Variants in WSCD2 observed in about 807,000 individuals in gnomAD.
WSCD2 encodes the protein sialate:O-sulfotransferase 2.
Under a neutral mutation model 55.7 loss-of-function variants are expected in WSCD2, and 28 were observed. That is an observed-to-expected ratio of 0.50 (90% CI 0.37 to 0.69). The LOEUF (loss-of-function observed/expected upper bound fraction) is 0.69. Among genes scored for constraint, WSCD2 ranks in the 30% least tolerant of loss-of-function variants. WSCD2 has a pLI of 0.00. For missense variants in WSCD2, 616 were observed against 762.1 expected (o/e 0.81, Z 2.26); for synonymous variants, 301 against 301.9 (o/e 1.00, Z 0.03).
intron 1 of WSCD2, among the ~76,000 whole-genome samples, chr12:108,145,570 C>A (rs1295590051): frequency 2.0e-5 from 3 of 152,186 alleles, no homozygotes; most frequent in African/African-American, 7.2e-5. Flanking sequence ...AACTGCTTTG[C>A]AAAACTGTTC....
intron 4 of WSCD2, among the ~76,000 whole-genome samples, chr12:108,217,578 C>T (rs1886990643): frequency 6.6e-6 from 1 of 152,226 alleles, no homozygotes; most frequent in South Asian, 2.1e-4. Flanking sequence ...CCCTTCCCTT[C>T]CTGGCTTGGA....
intron 6 of WSCD2, among the ~76,000 whole-genome samples, chr12:108,227,907 A>G (rs561359256): frequency 1.3e-5 from 2 of 152,266 alleles, no homozygotes; most frequent in South Asian, 4.2e-4. Context: ...GATGAGAAGG[A>G]GGAAGAGGAG....
At chr12:108,209,419 G>T (rs1885833224) in intron 3 of WSCD2, among the ~76,000 whole-genome samples, 1 of 152,056 alleles carries the variant, frequency 6.6e-6, no homozygotes, top group African/African-American at 2.4e-5. Flanking sequence ...AATGTCTCAG[G>T]TTTCCAGACA....
chr12:108,176,359 TTG>T (rs988138799), intron 1 of WSCD2, among the ~76,000 whole-genome samples: 1 of 152,196 alleles, frequency 6.6e-6, no homozygotes, highest in African/African-American at 2.4e-5. Flanking sequence ...ACTATCTGTT[TTG>T]TGTTGTCTTT....
In WSCD2 at chr12:108,249,342, T is replaced by C. The variant is rs1303512933; in HGVS notation, c.*999T>C. 1.3e-5 allele frequency: 2 copies of C among 152,564 alleles called. No homozygotes were observed. Among genetic ancestry groups the C allele is most frequent in the Non-Finnish European group, 2.9e-5 (2 of 68,058 alleles). The allele number at this position is 152,564 out of a possible 1,614,324, so 9.5% of individuals were successfully genotyped here. A position where few individuals can be genotyped will look rare whatever the true frequency, so the allele number is the denominator to read the frequency against. On this transcript the variant is annotated 3_prime_UTR_variant, in exon 9 of 9. Coordinates refer to ENST00000547525, the MANE Select transcript of WSCD2 (RefSeq NM_014653.4). ...ACCCCCACTACCTTCCCAGACCATA[T>C]ATCTCCCCTTGATCATAGTCCAACA...
intron 4 of WSCD2, among the ~76,000 whole-genome samples, chr12:108,213,752 C>A (rs958204411): frequency 6.6e-6 from 1 of 152,186 alleles, no homozygotes; most frequent in South Asian, 2.1e-4. Context: ...GGCTACTGTG[C>A]CTCTTAGGGA....
intron 1 of WSCD2, among the ~76,000 whole-genome samples, chr12:108,153,478 G>C (rs953910604): frequency 2.6e-5 from 4 of 152,202 alleles, no homozygotes; most frequent in Admixed American, 2.0e-4. Context: ...ATTTTCTGCA[G>C]TATCAGTGGG....
At chr12:108,202,407 A>ATT (rs1417771536) in intron 2 of WSCD2, among the ~76,000 whole-genome samples, 1 of 152,196 alleles carries the variant, frequency 6.6e-6, no homozygotes, top group African/African-American at 2.4e-5. Flanking sequence ...ACAGAGGGTC[A>ATT]TTCGTTCATT....
chr12:108,238,630 T>G (rs1025979058), intron 7 of WSCD2, among the ~76,000 whole-genome samples: 1 of 152,228 alleles, frequency 6.6e-6, no homozygotes, highest in African/African-American at 2.4e-5. Context: ...AATGGCCTTG[T>G]GAGGGAGAAA....
At chr12:108,160,043 C>G (rs1415305793) in intron 1 of WSCD2, among the ~76,000 whole-genome samples, 1 of 152,196 alleles carries the variant, frequency 6.6e-6, no homozygotes, top group African/African-American at 2.4e-5. Flanking sequence ...ACATTCGTTA[C>G]AGCTTCATAG....
chr12:108,187,384 T>G (rs1247388394), intron 1 of WSCD2, among the ~76,000 whole-genome samples: 2 of 152,214 alleles, frequency 1.3e-5, no homozygotes, highest in Non-Finnish European at 2.9e-5. Flanking sequence ...GTAAATGTTT[T>G]GTTTAGTTGG....
At chr12:108,222,840 A>C (rs1887683367) in intron 4 of WSCD2, among the ~76,000 whole-genome samples, 1 of 152,264 alleles carries the variant, frequency 6.6e-6, no homozygotes, top group South Asian at 2.1e-4. Flanking sequence ...AATAAAAATT[A>C]CCTATATTCC....
rs373377753 is a variant in WSCD2, at chr12:108,143,551, GAT to G, written c.-552+13628_-552+13629del. Among the ~76,000 whole-genome samples, 766 of 152,348 alleles carry G rather than the reference GAT, an allele frequency of 5.0e-3. 6 individuals carry two copies. Among genetic ancestry groups the G allele is most frequent in the African/African-American group, 0.017 (720 of 41,568 alleles). On this transcript the variant is annotated intron_variant, in intron 1 of 8. Transcript: ENST00000547525. ...CATCTCAGAGCCTTGCTGTGAGGAT[GAT>G]ATGAGATCAGGCATGCAAGGTACTT...
At chr12:108,168,155 G>A (rs1565929881) in intron 1 of WSCD2, among the ~76,000 whole-genome samples, 3 of 152,138 alleles carry the variant, frequency 2.0e-5, no homozygotes, top group South Asian at 2.1e-4. Flanking sequence ...ACATTGACTC[G>A]GCACTAATTT....
intron 1 of WSCD2, among the ~76,000 whole-genome samples, chr12:108,192,013 G>A (rs1359569258): frequency 6.6e-6 from 1 of 152,176 alleles, no homozygotes; most frequent in Non-Finnish European, 1.5e-5. Flanking sequence ...GAATATGAAA[G>A]AACGAAGAGG....
At chr12:108,162,899 G>C (rs1482221745) in intron 1 of WSCD2, among the ~76,000 whole-genome samples, 1 of 152,180 alleles carries the variant, frequency 6.6e-6, no homozygotes, top group Non-Finnish European at 1.5e-5. Flanking sequence ...TGCACAGGCT[G>C]TGTGTTGAGC....
At chr12:108,206,457 C>A (rs568755785) in intron 3 of WSCD2, 54 bp downstream of exon 3, 1 of 1,560,648 alleles carries the variant, frequency 6.4e-7, no homozygotes, top group South Asian at 1.1e-5. Flanking sequence ...TTCTCAGATT[C>A]CCACCTGTGG....
chr12:108,143,975 C>T (rs1877128932), intron 1 of WSCD2, among the ~76,000 whole-genome samples: 2 of 152,190 alleles, frequency 1.3e-5, no homozygotes, highest in African/African-American at 4.8e-5. Context: ...AGTGCCCCAT[C>T]CACGGGGCAC....
At chr12:108,144,741 C>G (rs996499275) in intron 1 of WSCD2, among the ~76,000 whole-genome samples, 1 of 152,114 alleles carries the variant, frequency 6.6e-6, no homozygotes, top group African/African-American at 2.4e-5. Flanking sequence ...GATAATGATG[C>G]CTCTTATTGT....
Sources: gnomAD v4.1 joint callset for allele counts (sites outside exome capture counted in the v4.1 genomes callset) on GRCh38, gnomAD v4.1.1 for gene constraint, MANE v1.5 for transcripts, NCBI Gene and HGNC (gene_info 2026-07-23, HGNC 2026-07-21) for gene names.